The following PLXDC2 variants were observed in gnomAD, a reference collection of about 807,000 sequenced individuals.
The protein encoded by PLXDC2 is plexin domain containing 2, also known as plexin domain-containing protein 2.
PLXDC2 carries 40 observed loss-of-function variants against 68.9 expected under a neutral mutation model. The observed-to-expected ratio is 0.58, with a 90% CI of 0.45 to 0.76. PLXDC2 has a LOEUF of 0.76. Ranked by LOEUF, PLXDC2 falls within the 30% of genes least tolerant of loss-of-function variation. PLXDC2 has a pLI of 0.00. For missense variants in PLXDC2, 644 were observed against 661.9 expected (o/e 0.97, Z 0.30); for synonymous variants, 243 against 234.2 (o/e 1.04, Z -0.34).
intron 1 of PLXDC2, among the ~76,000 whole-genome samples, chr10:19,857,122 G>A (rs1837229026): frequency 6.6e-6 from 1 of 152,170 alleles, no homozygotes; most frequent in Non-Finnish European, 1.5e-5. Context: ...ACAACTGAGG[G>A]AGCTAAGGTG....
intron 2 of PLXDC2, among the ~76,000 whole-genome samples, chr10:20,013,601 T>C (rs769471553): frequency 6.6e-6 from 1 of 152,218 alleles, no homozygotes; most frequent in African/African-American, 2.4e-5. Context: ...TTACTAGTTC[T>C]GTCATTTAAA....
chr10:19,871,247 C>G (rs527424844), intron 1 of PLXDC2, among the ~76,000 whole-genome samples: 9 of 152,278 alleles, frequency 5.9e-5, no homozygotes, highest in African/African-American at 1.9e-4. Flanking sequence ...GAGAACTGTT[C>G]ACATATACGG....
intron 1 of PLXDC2, among the ~76,000 whole-genome samples, chr10:19,877,723 C>T (rs376711014): frequency 2.4e-4 from 37 of 152,354 alleles, no homozygotes; most frequent in African/African-American, 7.9e-4. Context: ...GCCTGCCTGC[C>T]TCTGGAGAGA....
At chr10:20,206,380 G>A (rs745855308) in intron 9 of PLXDC2, among the ~76,000 whole-genome samples, 15 of 152,076 alleles carry the variant, frequency 9.9e-5, no homozygotes, top group Non-Finnish European at 2.2e-4. Flanking sequence ...CTGAGCAAGG[G>A]TTGCTGAATC....
intron 1 of PLXDC2, among the ~76,000 whole-genome samples, chr10:19,972,680 A>G (rs1218397351): frequency 6.6e-6 from 1 of 152,200 alleles, no homozygotes; most frequent in Non-Finnish European, 1.5e-5. Context: ...AATCATGACC[A>G]AGGGAGACTT....
At chr10:20,075,758 G>C (rs1277408707) in intron 4 of PLXDC2, among the ~76,000 whole-genome samples, 1 of 152,184 alleles carries the variant, frequency 6.6e-6, no homozygotes. Context: ...CAGAGCATTG[G>C]CACATGATGG....
intron 1 of PLXDC2, among the ~76,000 whole-genome samples, chr10:19,990,209 C>G (rs896758454): frequency 7.9e-5 from 12 of 152,028 alleles, no homozygotes; most frequent in Non-Finnish European, 1.5e-4. Context: ...TGATTTCTGT[C>G]TTAGTACTTT....
intron 1 of PLXDC2, among the ~76,000 whole-genome samples, chr10:19,854,690 C>G (rs1404450556): frequency 6.6e-6 from 1 of 152,144 alleles, no homozygotes; most frequent in East Asian, 1.9e-4. Context: ...CAATTCCAGC[C>G]TAGCCTGGCC....
chr10:19,985,701 T>G (rs1405369015), intron 1 of PLXDC2, among the ~76,000 whole-genome samples: 1 of 152,216 alleles, frequency 6.6e-6, no homozygotes, highest in African/African-American at 2.4e-5. Context: ...ATTGTTTGCT[T>G]TTATCAAGTG....
intron 1 of PLXDC2, among the ~76,000 whole-genome samples, chr10:19,934,932 T>C (rs899899976): frequency 6.6e-6 from 1 of 152,202 alleles, no homozygotes; most frequent in Non-Finnish European, 1.5e-5. Flanking sequence ...CTCATGTATC[T>C]CAGGAGATGT....
At chr10:19,920,999 C>A (rs1244189082) in intron 1 of PLXDC2, among the ~76,000 whole-genome samples, 1 of 151,924 alleles carries the variant, frequency 6.6e-6, no homozygotes, top group Non-Finnish European at 1.5e-5. Flanking sequence ...ATGATCATAG[C>A]TCACTGAAGC....
chr10:19,992,904 A>G (rs539329131), intron 1 of PLXDC2, among the ~76,000 whole-genome samples: 1 of 152,200 alleles, frequency 6.6e-6, no homozygotes, highest in African/African-American at 2.4e-5. Context: ...TTCTTGTGTT[A>G]TATCACTAGG....
chr10:19,836,214 A>T, intron 1 of PLXDC2, among the ~76,000 whole-genome samples: 1 of 151,992 alleles, frequency 6.6e-6, no homozygotes, highest in East Asian at 1.9e-4. Flanking sequence ...TGGGAAGTAA[A>T]TGACAGAGAG....
intron 4 of PLXDC2, among the ~76,000 whole-genome samples, chr10:20,104,968 T>C (rs1190763246): frequency 6.7e-6 from 1 of 149,106 alleles, no homozygotes; most frequent in Non-Finnish European, 1.5e-5. Context: ...GGAGAATCAC[T>C]TGAACCAGGG....
rs1246276459 is a variant in PLXDC2, at chr10:20,288,038, G to A, written c.*8219G>A. On this transcript the variant is annotated 3_prime_UTR_variant, in exon 14 of 14. Transcript: ENST00000377252. Reference sequence around the variant, plus strand: ...TTTATGCCAGTTGCACCAGCATGCAGAATATTTGTAATGCATTTCAAAGTG... The same window carrying A: ...TTTATGCCAGTTGCACCAGCATGCAAAATATTTGTAATGCATTTCAAAGTG... 6.7e-6 allele frequency: 1 copy of A among 149,994 alleles called. No homozygotes were observed. Among genetic ancestry groups the A allele is most frequent in the Non-Finnish European group, 1.5e-5 (1 of 67,874 alleles). 9.3% of individuals were successfully genotyped at this position (149,994 alleles called of 1,614,324 possible).
intron 3 of PLXDC2, among the ~76,000 whole-genome samples, chr10:20,051,332 A>G (rs537576190): frequency 1.3e-5 from 2 of 150,476 alleles, no homozygotes; most frequent in East Asian, 2.0e-4. Flanking sequence ...ACAAATTCCT[A>G]TAACATCAGT....
In PLXDC2 at chr10:19,894,233, C is replaced by T. The variant is rs142425623; in HGVS notation, c.112+77042C>T. 6.2e-4 allele frequency among the ~76,000 whole-genome samples: 93 copies of T among 150,312 alleles called. 3 individuals are homozygous for T. The East Asian group carries it at 0.018, about 28-fold the overall frequency. The stretch of plus-strand genomic sequence containing the variant: ...CCAGAAATCCCTTGGAAACGTAAAA[C>T]AAAACAAAACAAACAAAAACAAAAA... On this transcript the variant is annotated intron_variant, in intron 1 of 13. Transcript: ENST00000377252.
intron 3 of PLXDC2, among the ~76,000 whole-genome samples, chr10:20,051,940 C>T (rs1425831486): frequency 1.3e-5 from 2 of 151,892 alleles, no homozygotes; most frequent in Non-Finnish European, 2.9e-5. Context: ...TGTAAATGAA[C>T]AGACATGGTT....
At chr10:19,875,704 A>C (rs1382430765) in intron 1 of PLXDC2, among the ~76,000 whole-genome samples, 1 of 152,232 alleles carries the variant, frequency 6.6e-6, no homozygotes, top group Non-Finnish European at 1.5e-5. Context: ...GCAGAAATGG[A>C]AATCCAAAAT....
Sources: allele counts gnomAD v4.1 joint callset (sites outside exome capture counted in the v4.1 genomes callset), GRCh38; gene constraint gnomAD v4.1.1; transcripts MANE v1.5; gene names NCBI Gene and HGNC (gene_info 2026-07-23, HGNC 2026-07-21).